Variants in ZNF12 observed in about 807,000 individuals in gnomAD.
ZNF12 encodes the protein zinc finger protein 12, also known as gonadotropin inducible transcription repressor 3.
Under a neutral mutation model 66.6 loss-of-function variants are expected in ZNF12, and 34 were observed. That is an observed-to-expected ratio of 0.51 (90% CI 0.39 to 0.68). ZNF12 has a LOEUF of 0.68. ZNF12 is among the 30% of genes least tolerant of loss of function. The probability of loss-of-function intolerance (pLI) is 0.00; values close to 1 mark genes in which losing one functional copy is unlikely to be tolerated. For synonymous variants in ZNF12, 320 were observed against 278.9 expected, an observed-to-expected ratio of 1.15 and a Z score of -1.47; for missense variants, 697 against 826.9, an observed-to-expected ratio of 0.84 and a Z score of 1.93.
chr7:6,703,967 G>A (rs925427060), intron 2 of ZNF12, among the ~76,000 whole-genome samples: 1 of 152,218 alleles, frequency 6.6e-6, no homozygotes, highest in Non-Finnish European at 1.5e-5. Context: ...GGGATAAAAT[G>A]GGCATCTATG....
intron 2 of ZNF12, chr7:6,704,092 C>G (rs889155242): frequency 6.6e-6 from 1 of 152,058 alleles, no homozygotes; most frequent in Non-Finnish European, 1.5e-5. Context: ...TTTGGGAGGT[C>G]AAGGTGGGCA....
In ZNF12 at chr7:6,697,296, C is replaced by A; in HGVS notation, c.238+43G>T. 1 of 1,487,394 alleles carries A rather than the reference C, an allele frequency of 6.7e-7. No individual in the cohort carries two copies. Among genetic ancestry groups the A allele is most frequent in the Non-Finnish European group, 9.2e-7 (1 of 1,086,150 alleles). The allele number at this position is 1,487,394 out of a possible 1,614,324, so 92.1% of individuals were successfully genotyped here. ...ACCATTAAAAAATCCCTGGGAAAAA[C>A]ACTCCCAAGTTACCGATCTCCTCAC... On this transcript the variant is annotated intron_variant, in intron 4 of 4. Transcript: ENST00000405858. This position sits in a 1 kb window ranked among gnomAD's most constrained non-coding sequence, Gnocchi z 6.1.
chr7:6,691,296 T>C lies in ZNF12; in HGVS notation c.1646A>G (p.Tyr549Cys), dbSNP rs1780064039. Residue 549 changes from tyrosine to cysteine, a missense_variant, in exon 5 of 5, where the codon TAT becomes TGT. By Grantham distance (194) the Tyr-to-Cys change is radical (BLOSUM62 -2). This residue lies in a region of ZNF12 where 401 missense variants were observed against 519.0 expected (regional missense o/e 0.77). Coordinates refer to ENST00000405858, the MANE Select transcript of ZNF12 (RefSeq NM_016265.4). ...GAATTTTCCACATATATAGCATTCA[T>C]AGGGCTTCTCTCCTTTGTGTATTCT... The part of the protein sequence containing the change: ...HRRIHKGEKP[Y>C]ECYICGKFFS... 3.1e-6 allele frequency: 5 copies of C among 1,613,948 alleles called. No homozygotes were observed. Among genetic ancestry groups the C allele is most frequent in the South Asian group, 1.1e-5 (1 of 91,084 alleles).
At chr7:6,694,173 A>C (rs1006056826) in intron 4 of ZNF12, among the ~76,000 whole-genome samples, 11 of 151,900 alleles carry the variant, frequency 7.2e-5, no homozygotes, top group Non-Finnish European at 1.3e-4. Context: ...TCTCAAAAAA[A>C]AAAACAAAAC....
chr7:6,698,794 T>G lies in ZNF12; in HGVS notation c.16-983A>C, dbSNP rs769445919. The stretch of plus-strand genomic sequence containing the variant: ...AAACTGTCAAAACCACATCTATAAA[T>G]GTGTATCTTTTGAATAAAGTGTCCC... On this transcript the variant is annotated intron_variant, in intron 2 of 4. Coordinates refer to ENST00000405858, the MANE Select transcript of ZNF12 (RefSeq NM_016265.4). The surrounding 1 kb of genome is among the most constrained non-coding windows in gnomAD (Gnocchi z 4.4). Among the ~76,000 whole-genome samples, 1 of 152,198 alleles carries G rather than the reference T, an allele frequency of 6.6e-6. No homozygotes were observed. The highest frequency in any genetic ancestry group is 1.5e-5 in the Non-Finnish European group (1 of 68,040).
chr7:6,692,567 C>T lies in ZNF12; in HGVS notation c.375G>A (p.Thr125=), dbSNP rs1204154974. The change falls in exon 5 of 5, where the codon ACG becomes ACA. Residue 125 remains threonine, a synonymous_variant. Transcript: ENST00000405858. This position sits in a 1 kb window ranked among gnomAD's most constrained non-coding sequence, Gnocchi z 5.1. Reference sequence around the variant, plus strand: ...CTATTTTTCTTGAAGGAACAGGGTTCGTTTCTACATCAAAAGTTTTACCAG... The same window carrying T: ...CTATTTTTCTTGAAGGAACAGGGTTTGTTTCTACATCAAAAGTTTTACCAG... ...NVPGKTFDVE[T]NPVPSRKIAY... is the part of the protein sequence containing the mutation. 38 of 1,613,664 alleles carry T rather than the reference C, an allele frequency of 2.4e-5. No homozygotes were observed. The highest frequency in any genetic ancestry group is 4.4e-5 in the South Asian group (4 of 91,078).
chr7:6,705,329 T>A lies in ZNF12; in HGVS notation c.-50-106A>T. ...AGAAAGTTCCAAGAAGTACATCTTG[T>A]GGGAGACTGTCCCTTTAAGCCTTCA... On this transcript the variant is annotated intron_variant, in intron 1 of 4. Transcript: ENST00000405858. The surrounding 1 kb of genome is among the most constrained non-coding windows in gnomAD (Gnocchi z 4.0). 4.0e-6 allele frequency: 3 copies of A among 750,936 alleles called. No individual in the cohort carries two copies. Among genetic ancestry groups the A allele is most frequent in the Non-Finnish European group, 6.6e-6 (3 of 455,812 alleles). 46.5% of individuals were successfully genotyped at this position (750,936 alleles called of 1,614,324 possible). A position where few individuals can be genotyped will look rare whatever the true frequency, so the allele number is the denominator to read the frequency against.
At position 6,704,740 on chromosome 7, in the gene ZNF12, CAAAAAAAAAA is replaced by C. The variant is rs949897713; in HGVS notation, c.15+409_15+418del. ...GGTGACAGAGCGCAATACTTGGTCTCAAAAAAAAAAAAAAAAAAAAAAAAAAAAAAAGAAA... is the reference window on the plus strand; with the variant it reads ...GGTGACAGAGCGCAATACTTGGTCTCAAAAAAAAAAAAAAAAAAAAAGAAA... On this transcript the variant is annotated intron_variant, in intron 2 of 4. Coordinates refer to ENST00000405858, the MANE Select transcript of ZNF12 (RefSeq NM_016265.4). Among the ~76,000 whole-genome samples the C allele has an allele frequency of 4.3e-4, 14 of 32,252 alleles. 1 individual carries two copies. The highest frequency in any genetic ancestry group is 2.1e-3 in the East Asian group (1 of 470). The allele number at this position is 32,252 out of a possible 152,430, so 21.2% of individuals were successfully genotyped here.
At position 6,696,827 on chromosome 7, in the gene ZNF12, A is replaced by G. The variant is rs143500962; in HGVS notation, c.238+512T>C. Reference sequence around the variant, plus strand: ...TCTCAGGAATGAGCAGCACTGTCCAATGAAGCACAGGTGCACATGACAAGT... The same window carrying G: ...TCTCAGGAATGAGCAGCACTGTCCAGTGAAGCACAGGTGCACATGACAAGT... On this transcript the variant is annotated intron_variant, in intron 4 of 4. Coordinates refer to ENST00000405858, the MANE Select transcript of ZNF12 (RefSeq NM_016265.4). The surrounding 1 kb of genome is among the most constrained non-coding windows in gnomAD (Gnocchi z 4.0). Among the ~76,000 whole-genome samples, 392 of 152,296 alleles carry G rather than the reference A, an allele frequency of 2.6e-3. 3 individuals are homozygous for G. The highest frequency in any genetic ancestry group is 6.8e-3 in the South Asian group (33 of 4,828).
rs986093069 is a variant in ZNF12 at position 6,690,085 on chromosome 7, G to C, written c.*763C>G. ...AGATACAGTTGAAAACATTATAAAA[G>C]CATTGGTCCTTTAGAGCTGATATTG... On this transcript the variant is annotated 3_prime_UTR_variant, in exon 5 of 5. Coordinates refer to ENST00000405858, the MANE Select transcript of ZNF12 (RefSeq NM_016265.4). The C allele has an allele frequency of 6.6e-6, 1 of 152,126 alleles. No individual in the cohort carries two copies. The highest frequency in any genetic ancestry group is 6.6e-5 in the Admixed American group (1 of 15,262). The allele number at this position is 152,126 out of a possible 1,614,324, so 9.4% of individuals were successfully genotyped here.
chr7:6,691,785 C>T lies in ZNF12; in HGVS notation c.1157G>A (p.Cys386Tyr). The change falls in exon 5 of 5, where the codon TGT (cysteine) becomes TAT (tyrosine). Residue 386 changes from cysteine to tyrosine, a missense_variant. Around this residue, in one of 3 missense-constraint regions of ZNF12, gnomAD observed 401 missense variants for 519.0 expected, o/e 0.77. Transcript: ENST00000405858. ...SGERPYVCHD[C>Y]GKTFSQKSAL... ...TGACTTCTGCGAGAAGGTTTTCCCACAGTCATGACAAACATAAGGTCTCTC... is the reference window on the plus strand; with the variant it reads ...TGACTTCTGCGAGAAGGTTTTCCCATAGTCATGACAAACATAAGGTCTCTC... 4 of 1,613,986 alleles carry T rather than the reference C, an allele frequency of 2.5e-6. No homozygotes were observed. Among genetic ancestry groups the T allele is most frequent in the Non-Finnish European group, 3.4e-6 (4 of 1,179,890 alleles).
At chr7:6,701,664 C>G (rs28560441) in intron 2 of ZNF12, among the ~76,000 whole-genome samples, 1,948 of 152,152 alleles carry the variant, frequency 0.013, 39 homozygotes, top group African/African-American at 0.044. Flanking sequence ...TCTTGGCTGA[C>G]GAGCTATTTC....
rs771546147 is a variant in ZNF12, at chr7:6,691,591, A to G, written c.1351T>C (p.Tyr451His). The G allele has an allele frequency of 6.2e-7, 1 of 1,613,988 alleles. No individual in the cohort carries two copies. Among genetic ancestry groups the G allele is most frequent in the East Asian group, 2.2e-5 (1 of 44,872 alleles). Residue 451 changes from tyrosine to histidine, a missense_variant, in exon 5 of 5, where the codon TAT (tyrosine) becomes CAT (histidine). Coordinates refer to ENST00000405858, the MANE Select transcript of ZNF12 (RefSeq NM_016265.4). ...ECGKFFSRLSYLTVHYRTHSG... is the reference protein window; with the variant it reads ...ECGKFFSRLSHLTVHYRTHSG... The stretch of plus-strand genomic sequence containing the variant: ...TGAGTTCTATAATGTACAGTGAGAT[A>G]TGACAACCGAGAGAAGAATTTTCCA...
At position 6,692,764 on chromosome 7, in the gene ZNF12, T is replaced by G. The variant is rs1235060930; in HGVS notation, c.239-61A>C. The G allele has an allele frequency of 6.9e-7, 1 of 1,458,210 alleles. No individual in the cohort carries two copies. The highest frequency in any genetic ancestry group is 9.2e-7 in the Non-Finnish European group (1 of 1,089,942). 90.3% of individuals were successfully genotyped at this position (1,458,210 alleles called of 1,614,324 possible). ...CTTCCTATATATATATGATATGGAA[T>G]GAGATTCATGATTTGTACACACGCA... On this transcript the variant is annotated intron_variant, in intron 4 of 4. Coordinates refer to ENST00000405858, the MANE Select transcript of ZNF12 (RefSeq NM_016265.4). The surrounding 1 kb of genome is among the most constrained non-coding windows in gnomAD (Gnocchi z 5.1).
rs1473546882 is a variant in ZNF12 at position 6,706,601 on chromosome 7, C to A, written c.-220G>T. On this transcript the variant is annotated 5_prime_UTR_variant, in exon 1 of 5. Coordinates refer to ENST00000405858, the MANE Select transcript of ZNF12 (RefSeq NM_016265.4). ...ACGGGACAAATCCAGGCGGGGCGTC[C>A]CTCCCGGAGCCCAGATCCGTCTCCC... 1 of 454,494 alleles carries A rather than the reference C, an allele frequency of 2.2e-6. No individual in the cohort carries two copies. Among genetic ancestry groups the A allele is most frequent in the Non-Finnish European group, 4.4e-6 (1 of 226,752 alleles). The allele number at this position is 454,494 out of a possible 1,614,324, so 28.2% of individuals were successfully genotyped here.
At chr7:6,699,011 G>C (rs1780193906) in intron 2 of ZNF12, among the ~76,000 whole-genome samples, 1 of 152,192 alleles carries the variant, frequency 6.6e-6, no homozygotes, top group Non-Finnish European at 1.5e-5. Flanking sequence ...ACTTTCTACT[G>C]TGGCTCTGAC....
chr7:6,692,324 A>C lies in ZNF12; in HGVS notation c.618T>G (p.Leu206=). 1.2e-6 allele frequency: 2 copies of C among 1,609,780 alleles called. No homozygotes were observed. The highest frequency in any genetic ancestry group is 1.7e-6 in the Non-Finnish European group (2 of 1,178,360). Residue 206 remains leucine (L), a synonymous_variant, in exon 5 of 5, where the codon CTT becomes CTG. Coordinates refer to ENST00000405858, the MANE Select transcript of ZNF12 (RefSeq NM_016265.4). This position sits in a 1 kb window ranked among gnomAD's most constrained non-coding sequence, Gnocchi z 5.1. ...TCTCCAAAATACGAATTTTCTGATA[A>C]AGACTTTCTTCATTTAGAGTATAAG... ...GEPYTLNEES[L]YQKIRILEKP...
In ZNF12 at chr7:6,697,913, CTTTAT is replaced by C. The variant is rs1262336284; in HGVS notation, c.16-107_16-103del. 1 of 1,283,272 alleles carries C rather than the reference CTTTAT, an allele frequency of 7.8e-7. No individual in the cohort carries two copies. Among genetic ancestry groups the C allele is most frequent in the African/African-American group, 1.5e-5 (1 of 68,270 alleles). The allele number at this position is 1,283,272 out of a possible 1,614,324, so 79.5% of individuals were successfully genotyped here. ...AAAATTAACCATGAACACTGTATAC[CTTTAT>C]TTTATGTTACAGACTGTCAAAGGGA... On this transcript the variant is annotated intron_variant, in intron 2 of 4. Coordinates refer to ENST00000405858, the MANE Select transcript of ZNF12 (RefSeq NM_016265.4). This position sits in a 1 kb window ranked among gnomAD's most constrained non-coding sequence, Gnocchi z 6.1.
chr7:6,706,287 C>G (rs182408778), intron 1 of ZNF12, 145 bp downstream of exon 1: 97 of 410,938 alleles, frequency 2.4e-4, no homozygotes, highest in African/African-American at 1.7e-3. Context: ...AAGCCTCGTC[C>G]TCGCCGGACC....
Sources: gnomAD v4.1 joint callset for allele counts (sites outside exome capture counted in the v4.1 genomes callset) on GRCh38, gnomAD v4.1.1 for gene constraint, gnomAD v4.1.1 regional missense constraint, Gnocchi (gnomAD v3.1) non-coding constraint, MANE v1.5 for transcripts, NCBI Gene and HGNC (gene_info 2026-07-23, HGNC 2026-07-21) for gene names.